The following SFMBT1 variants were observed in gnomAD, a reference collection of about 807,000 sequenced individuals.
SFMBT1 encodes Scm like with four mbt domains 1, also known as scm-like with four MBT domains protein 1.
In SFMBT1, 32 loss-of-function variants were observed where a neutral mutation model predicts 108.7. The ratio of observed to expected loss-of-function variants is 0.29; its 90% CI spans 0.22 to 0.40. SFMBT1 has a LOEUF of 0.40. Ranked by LOEUF, SFMBT1 falls within the 10% of genes least tolerant of loss-of-function variation. The pLI is 1.00. For synonymous variants in SFMBT1, 348 were observed against 369.5 expected (o/e 0.94, Z 0.67); for missense variants, 816 against 1,059.6 (o/e 0.77, Z 3.19).
intron 1 of SFMBT1, among the ~76,000 whole-genome samples, chr3:53,016,118 C>CTTTAGA (rs1699116333): frequency 6.7e-6 from 1 of 149,652 alleles, no homozygotes; most frequent in Non-Finnish European, 1.5e-5. Context: ...GAATTTCTAA[C>CTTTAGA]ATTTAGAAAA....
In SFMBT1 at chr3:52,904,990, GTCCTCCT is replaced by G; in HGVS notation, c.*139_*145del. 1.8e-6 allele frequency: 2 copies of G among 1,083,474 alleles called. No individual in the cohort carries two copies. Among genetic ancestry groups the G allele is most frequent in the East Asian group, 5.5e-5 (2 of 36,198 alleles). 67.1% of individuals were successfully genotyped at this position (1,083,474 alleles called of 1,614,324 possible). Reference sequence around the variant, plus strand: ...CACAGTTTTTGCTTCCTCACTGTGAGTCCTCCTTCCCCGAAAGTGCAAAGAGAGCAAG... The same window carrying G: ...CACAGTTTTTGCTTCCTCACTGTGAGTCCCCGAAAGTGCAAAGAGAGCAAG... On this transcript the variant is annotated 3_prime_UTR_variant, in exon 21 of 21. Transcript: ENST00000394752.
At chr3:52,941,208 G>A (rs1158882683) in intron 4 of SFMBT1, among the ~76,000 whole-genome samples, 1 of 152,076 alleles carries the variant, frequency 6.6e-6, no homozygotes, top group Non-Finnish European at 1.5e-5. Context: ...CATGAAAGAC[G>A]AAAAACCCTG....
intron 14 of SFMBT1, among the ~76,000 whole-genome samples, chr3:52,915,517 T>C (rs1046036404): frequency 1.3e-5 from 2 of 152,222 alleles, no homozygotes; most frequent in Admixed American, 6.5e-5. Context: ...TGAGCTTCGA[T>C]TTCTCTTCTA....
intron 2 of SFMBT1, among the ~76,000 whole-genome samples, chr3:52,959,844 G>A (rs1703901377): frequency 6.6e-6 from 1 of 151,974 alleles, no homozygotes. Flanking sequence ...GAGCAGGGAT[G>A]GTTGTTTTGT....
intron 1 of SFMBT1, among the ~76,000 whole-genome samples, chr3:52,997,628 A>G (rs1259754033): frequency 1.3e-5 from 2 of 150,642 alleles, no homozygotes; most frequent in African/African-American, 4.8e-5. Flanking sequence ...TTCATGCTAT[A>G]TGAAACATGC....
chr3:53,040,533 C>T (rs1343253490), intron 1 of SFMBT1, among the ~76,000 whole-genome samples: 1 of 152,000 alleles, frequency 6.6e-6, no homozygotes, highest in African/African-American at 2.4e-5. Context: ...ACTTAACAAC[C>T]CTATCTGCCC....
chr3:52,912,033 A>C (rs1702228474), intron 16 of SFMBT1, among the ~76,000 whole-genome samples: 1 of 152,122 alleles, frequency 6.6e-6, no homozygotes, highest in African/African-American at 2.4e-5. Context: ...TCATTCTATC[A>C]TATTTTATAA....
intron 1 of SFMBT1, among the ~76,000 whole-genome samples, chr3:53,042,779 A>G (rs563399108): frequency 7.0e-6 from 1 of 143,620 alleles, no homozygotes; most frequent in South Asian, 2.1e-4. Flanking sequence ...TTTAAATTAA[A>G]CAATCTGATC....
intron 4 of SFMBT1, among the ~76,000 whole-genome samples, chr3:52,940,752 T>C (rs992081090): frequency 3.9e-5 from 6 of 152,208 alleles, no homozygotes; most frequent in Admixed American, 3.3e-4. Flanking sequence ...CCAAGTATCT[T>C]CCAACAAGAC....
chr3:53,038,401 G>C (rs1385826335), intron 1 of SFMBT1, among the ~76,000 whole-genome samples: 1 of 152,112 alleles, frequency 6.6e-6, no homozygotes, highest in Non-Finnish European at 1.5e-5. Context: ...TAAAAATCAG[G>C]CTTCATGACA....
chr3:53,040,944 ACAGGCATGCACCAAGACAC>A (rs1197040320), intron 1 of SFMBT1, among the ~76,000 whole-genome samples: 1 of 141,718 alleles, frequency 7.1e-6, no homozygotes, highest in East Asian at 2.0e-4. Flanking sequence ...AGCTGAGACT[ACAGGCATGCACCAAGACAC>A]CTGAATTTTT....
At chr3:52,913,429 A>G (rs746924750) in intron 15 of SFMBT1, 49 bp downstream of exon 15, 1 of 1,594,470 alleles carries the variant, frequency 6.3e-7, no homozygotes, top group Non-Finnish European at 8.5e-7. Flanking sequence ...TGACCATAGG[A>G]GAATGCTGTG....
chr3:52,964,760 C>T (rs1288887980), intron 2 of SFMBT1, among the ~76,000 whole-genome samples: 1 of 152,142 alleles, frequency 6.6e-6, no homozygotes, highest in Admixed American at 6.5e-5. Flanking sequence ...CTAACTGTAT[C>T]AAAGGTACAT....
At chr3:52,916,567 G>A (rs1167769890) in intron 13 of SFMBT1, among the ~76,000 whole-genome samples, 1 of 151,606 alleles carries the variant, frequency 6.6e-6, no homozygotes, top group Admixed American at 6.6e-5. Flanking sequence ...TACTAAGGAG[G>A]CTGAGGGAGG....
intron 1 of SFMBT1, among the ~76,000 whole-genome samples, chr3:53,033,988 TG>T (rs1156297579): frequency 6.8e-6 from 1 of 147,268 alleles, no homozygotes; most frequent in African/African-American, 2.5e-5. Context: ...GAGAACTGCT[TG>T]AACCCAGGAG....
intron 2 of SFMBT1, among the ~76,000 whole-genome samples, chr3:52,966,624 CAAAAAAAAAAAAA>C (rs35044878): frequency 2.1e-5 from 1 of 48,390 alleles, no homozygotes; most frequent in African/African-American, 8.4e-5. Context: ...GACTCAGTCT[CAAAAAAAAAAAAA>C]AAAAAAAAAA....
intron 4 of SFMBT1, among the ~76,000 whole-genome samples, chr3:52,935,107 T>A (rs1415500494): frequency 6.6e-6 from 1 of 152,082 alleles, no homozygotes; most frequent in East Asian, 1.9e-4. Context: ...TTATTAAGAG[T>A]TGTATACAAA....
intron 1 of SFMBT1, among the ~76,000 whole-genome samples, chr3:53,033,453 G>A (rs550585957): frequency 7.2e-5 from 11 of 152,050 alleles, no homozygotes; most frequent in Admixed American, 1.3e-4. Flanking sequence ...GAGCCGCCGC[G>A]CCCGGCCCAA....
chr3:52,965,407 A>G (rs1704099864), intron 2 of SFMBT1, among the ~76,000 whole-genome samples: 1 of 151,626 alleles, frequency 6.6e-6, no homozygotes, highest in South Asian at 2.1e-4. Context: ...CACCAGACTC[A>G]AACTTCCAAA....
Sources: gnomAD v4.1 joint callset for allele counts (sites outside exome capture counted in the v4.1 genomes callset) on GRCh38, gnomAD v4.1.1 for gene constraint, MANE v1.5 for transcripts, NCBI Gene and HGNC (gene_info 2026-07-23, HGNC 2026-07-21) for gene names.